OLFM3: variants seen among roughly 807,000 people sequenced by gnomAD.
OLFM3 encodes noelin-3.
Under a neutral mutation model 48.6 loss-of-function variants are expected in OLFM3, and 20 were observed. That is an observed-to-expected ratio of 0.41 (90% CI 0.29 to 0.60). The LOEUF is 0.60. OLFM3 is among the 20% of genes least tolerant of loss of function. The probability of loss-of-function intolerance (pLI) is 0.28; values close to 1 mark genes in which losing one functional copy is unlikely to be tolerated. For missense variants in OLFM3, 437 were observed against 544.3 expected, an observed-to-expected ratio of 0.80 and a Z score of 1.96; for synonymous variants, 222 against 198.1, an observed-to-expected ratio of 1.12 and a Z score of -1.01.
chr1:101,819,142 T>A lies in OLFM3; in HGVS notation c.592+5884A>T, dbSNP rs561878310. On this transcript the variant is annotated intron_variant, in intron 4 of 5. Coordinates refer to ENST00000370103, the MANE Select transcript of OLFM3 (RefSeq NM_058170.4). ...CTCCAACCACATTAAGGAAAAATCATGGAATAGTTAAAGTGGGAAGGAAGG... is the reference window on the plus strand; with the variant it reads ...CTCCAACCACATTAAGGAAAAATCAAGGAATAGTTAAAGTGGGAAGGAAGG... Among the ~76,000 whole-genome samples, 260 of 152,092 alleles carry A rather than the reference T, an allele frequency of 1.7e-3. 1 individual carries two copies. Among genetic ancestry groups the A allele is most frequent in the African/African-American group, 6.0e-3 (250 of 41,494 alleles).
chr1:101,959,984 C>T (rs1364692525), intron 1 of OLFM3, among the ~76,000 whole-genome samples: 1 of 152,072 alleles, frequency 6.6e-6, no homozygotes, highest in Non-Finnish European at 1.5e-5. Context: ...CTGTCTGTAT[C>T]CTTAAGTCTC....
intron 4 of OLFM3, among the ~76,000 whole-genome samples, chr1:101,814,466 TA>T (rs1320199770): frequency 1.1e-4 from 17 of 152,280 alleles, no homozygotes; most frequent in African/African-American, 4.1e-4. Flanking sequence ...GGCAATTTTA[TA>T]AAGAGTGACT....
chr1:101,844,851 CA>C (rs1288901613), intron 1 of OLFM3, among the ~76,000 whole-genome samples: 1 of 151,992 alleles, frequency 6.6e-6, no homozygotes, highest in East Asian at 1.9e-4. Context: ...ATAGTATGAA[CA>C]TAACTGGCTT....
chr1:101,814,554 A>C (rs79680908), intron 4 of OLFM3, among the ~76,000 whole-genome samples: 2,695 of 152,226 alleles, frequency 0.018, 39 homozygotes, highest in Non-Finnish European at 0.025. Flanking sequence ...TATTGACAAG[A>C]GAAGGACATT....
At chr1:101,839,506 C>G (rs958945748) in intron 1 of OLFM3, among the ~76,000 whole-genome samples, 1 of 152,096 alleles carries the variant, frequency 6.6e-6, no homozygotes. Context: ...ACATTGGACG[C>G]AAATCTAAAA....
chr1:101,963,966 T>G (rs112616083), intron 1 of OLFM3, among the ~76,000 whole-genome samples: 17 of 152,350 alleles, frequency 1.1e-4, no homozygotes, highest in African/African-American at 3.6e-4. Flanking sequence ...TTCATGTTAA[T>G]ATCACAGTAA....
intron 1 of OLFM3, among the ~76,000 whole-genome samples, chr1:101,956,244 T>A (rs749570827): frequency 3.3e-5 from 5 of 151,752 alleles, no homozygotes; most frequent in Non-Finnish European, 5.9e-5. Context: ...TTCTAGATAT[T>A]TGATTATAAA....
At chr1:101,951,907 G>A (rs918616876) in intron 1 of OLFM3, among the ~76,000 whole-genome samples, 1 of 152,098 alleles carries the variant, frequency 6.6e-6, no homozygotes, top group East Asian at 1.9e-4. Flanking sequence ...TTATAAAGAA[G>A]GTGGATTGTA....
At chr1:101,978,921 C>T (rs765104672) in intron 1 of OLFM3, among the ~76,000 whole-genome samples, 9 of 151,968 alleles carry the variant, frequency 5.9e-5, no homozygotes, top group Non-Finnish European at 1.3e-4. Context: ...AGATTAAGAG[C>T]CATATGTGAT....
chr1:101,926,538 G>C (rs1659275494), intron 1 of OLFM3, among the ~76,000 whole-genome samples: 1 of 152,170 alleles, frequency 6.6e-6, no homozygotes, highest in African/African-American at 2.4e-5. Context: ...TGTGACTTTG[G>C]ACAAGTTATC....
intron 1 of OLFM3, among the ~76,000 whole-genome samples, chr1:101,926,899 A>C (rs1361792857): frequency 1.3e-5 from 2 of 152,198 alleles, no homozygotes; most frequent in Non-Finnish European, 2.9e-5. Flanking sequence ...TTTCTAAAAA[A>C]GAAGTCCCTT....
At chr1:101,920,263 A>G (rs1287818320) in intron 1 of OLFM3, among the ~76,000 whole-genome samples, 1 of 152,220 alleles carries the variant, frequency 6.6e-6, no homozygotes, top group Non-Finnish European at 1.5e-5. Flanking sequence ...ACTCAGTCTG[A>G]GTAAAATCCA....
intron 1 of OLFM3, chr1:101,846,830 ACCGCAGT>A: frequency 6.3e-7 from 1 of 1,595,412 alleles, no homozygotes; most frequent in South Asian, 1.1e-5. Context: ...GGCCAAACCC[ACCGCAGT>A]AACTTACTAA....
chr1:101,879,449 T>G (rs927189746), intron 1 of OLFM3, among the ~76,000 whole-genome samples: 1 of 151,892 alleles, frequency 6.6e-6, no homozygotes, highest in Non-Finnish European at 1.5e-5. Context: ...TGCTGGGCTC[T>G]ATATCATTTC....
chr1:101,829,408 C>T (rs1655038672), intron 3 of OLFM3, among the ~76,000 whole-genome samples: 1 of 152,156 alleles, frequency 6.6e-6, no homozygotes, highest in Admixed American at 6.5e-5. Flanking sequence ...TTTCAATACC[C>T]TCAACTTTCT....
rs1164111742 is a variant in OLFM3 at position 101,824,670 on chromosome 1, C to CA, written c.592+355dup. 2.7e-5 allele frequency among the ~76,000 whole-genome samples: 4 copies of CA among 150,844 alleles called. No individual in the cohort carries two copies. In the East Asian group the frequency reaches 5.8e-4, roughly 22 times the overall value. On this transcript the variant is annotated intron_variant, in intron 4 of 5. Transcript: ENST00000370103. ...ACAACAACAACAACAACAACAACAA[C>CA]AACAACAACAACAAAAAACAGTTTC...
chr1:101,976,002 A>G (rs1026379075), intron 1 of OLFM3, among the ~76,000 whole-genome samples: 1 of 152,052 alleles, frequency 6.6e-6, no homozygotes, highest in African/African-American at 2.4e-5. Context: ...GCTATACTTA[A>G]GTGGACATTA....
rs115046344 is a variant in OLFM3, at chr1:101,844,161, G to T, written c.70-7136C>A. On this transcript the variant is annotated intron_variant, in intron 1 of 5. Coordinates refer to ENST00000370103, the MANE Select transcript of OLFM3 (RefSeq NM_058170.4). ...AGCAGGAAGAATCCCCTAAGCAAAA[G>T]AACCTCTTTCACTGCTTTGTCACAT... Among the ~76,000 whole-genome samples the T allele has an allele frequency of 1.0e-3, 159 of 152,310 alleles. 2 individuals are homozygous for T. The highest frequency in any genetic ancestry group is 3.5e-3 in the African/African-American group (144 of 41,578).
intron 1 of OLFM3, among the ~76,000 whole-genome samples, chr1:101,967,979 C>T (rs946055444): frequency 2.6e-5 from 4 of 152,260 alleles, no homozygotes; most frequent in African/African-American, 7.2e-5. Flanking sequence ...ACGAAGAAAA[C>T]CCTTAACTTC....
Sources: allele counts gnomAD v4.1 joint callset (sites outside exome capture counted in the v4.1 genomes callset), GRCh38; gene constraint gnomAD v4.1.1; transcripts MANE v1.5; gene names NCBI Gene and HGNC (gene_info 2026-07-23, HGNC 2026-07-21).